The following TUBGCP3 variants were observed in gnomAD, a reference collection of about 807,000 sequenced individuals.
TUBGCP3 encodes tubulin gamma complex component 3, also known as gamma-tubulin complex component 3.
TUBGCP3 carries 50 observed loss-of-function variants against 123.1 expected under a neutral mutation model. That is an observed-to-expected ratio of 0.41 (90% CI 0.32 to 0.51). TUBGCP3 has a LOEUF of 0.51. Ranked by LOEUF, TUBGCP3 falls within the 20% of genes least tolerant of loss-of-function variation. The pLI, the probability that TUBGCP3 is intolerant of heterozygous loss-of-function variation, is 0.36. For synonymous variants in TUBGCP3, 405 were observed against 413.9 expected (o/e 0.98, Z 0.26); for missense variants, 882 against 1,127.0 (o/e 0.78, Z 3.11).
At chr13:112,509,128 A>G (rs1881499208) in intron 17 of TUBGCP3, among the ~76,000 whole-genome samples, 1 of 152,108 alleles carries the variant, frequency 6.6e-6, no homozygotes, top group Admixed American at 6.5e-5. Context: ...CACTGACCCG[A>G]ACAGCTCATC....
chr13:112,531,434 T>C (rs571301162), intron 11 of TUBGCP3, among the ~76,000 whole-genome samples: 11 of 152,334 alleles, frequency 7.2e-5, no homozygotes, highest in East Asian at 5.8e-4. Context: ...TAAGCCCCCG[T>C]TGAGTAATCT....
intron 11 of TUBGCP3, among the ~76,000 whole-genome samples, chr13:112,539,444 T>A (rs755866034): frequency 6.6e-6 from 1 of 152,182 alleles, no homozygotes; most frequent in Non-Finnish European, 1.5e-5. Context: ...AGCAGACCCA[T>A]GGCAAAGAAC....
intron 7 of TUBGCP3, 64 bp downstream of exon 7, chr13:112,554,823 A>G: frequency 1.7e-6 from 2 of 1,189,720 alleles, no homozygotes; most frequent in Non-Finnish European, 2.4e-6. Context: ...AACAGCCACT[A>G]TCTGGACTTC....
chr13:112,494,597 A>G (rs1880400032), intron 20 of TUBGCP3, among the ~76,000 whole-genome samples: 1 of 152,118 alleles, frequency 6.6e-6, no homozygotes, highest in Non-Finnish European at 1.5e-5. Flanking sequence ...TCTTTTAACT[A>G]CTATGATCTT....
intron 13 of TUBGCP3, among the ~76,000 whole-genome samples, chr13:112,523,381 T>C (rs1444149261): frequency 6.6e-6 from 1 of 152,226 alleles, no homozygotes; most frequent in Non-Finnish European, 1.5e-5. Context: ...GATTTGTTTG[T>C]CCTTCCGAAT....
intron 14 of TUBGCP3, 120 bp downstream of exon 14, chr13:112,522,200 A>T: frequency 1.0e-6 from 1 of 986,994 alleles, no homozygotes; most frequent in East Asian, 2.8e-5. Context: ...ATTTTATTTT[A>T]AAAAGTATGC....
intron 8 of TUBGCP3, among the ~76,000 whole-genome samples, chr13:112,551,769 A>C (rs556030936): frequency 6.6e-6 from 1 of 152,170 alleles, no homozygotes; most frequent in Non-Finnish European, 1.5e-5. Context: ...GATAAGGAGA[A>C]AGAAGATAAA....
chr13:112,567,588 T>C (rs1272396384), intron 2 of TUBGCP3, among the ~76,000 whole-genome samples: 1 of 152,194 alleles, frequency 6.6e-6, no homozygotes, highest in Non-Finnish European at 1.5e-5. Flanking sequence ...AATACCCCAT[T>C]TTTATTCCCC....
rs1284129510 is a variant in TUBGCP3 at position 112,558,363 on chromosome 13, G to C, written c.381C>G (p.His127Gln). Reference protein sequence around the residue: ...LFAQALPRDAHSTPYYYARPQ... With the variant: ...LFAQALPRDAQSTPYYYARPQ... ...GCCTGGCATAGTAGTAAGGGGTTGA[G>C]TGGGCATCTCTTGGTAAGGCCTGAG... Residue 127 changes from histidine to glutamine, a missense_variant, in exon 5 of 22, where the codon CAC becomes CAG. This residue lies in a region of TUBGCP3 where 713 missense variants were observed against 874.0 expected (regional missense o/e 0.82). Coordinates refer to ENST00000261965, the MANE Select transcript of TUBGCP3 (RefSeq NM_006322.6). 6.2e-7 allele frequency: 1 copy of C among 1,606,306 alleles called. No homozygotes were observed. Among genetic ancestry groups the C allele is most frequent in the Non-Finnish European group, 8.5e-7 (1 of 1,173,456 alleles).
the TUBGCP3 span, among the ~76,000 whole-genome samples, chr13:112,602,374 A>G: frequency 0.18 from 27,544 of 151,960 alleles, 4,079 homozygotes; most frequent in African/African-American, 0.41. Flanking sequence ...GATTAATAAT[A>G]TAAAGATGGA....
At chr13:112,569,967 C>T (rs975321594) in intron 1 of TUBGCP3, among the ~76,000 whole-genome samples, 1 of 152,078 alleles carries the variant, frequency 6.6e-6, no homozygotes, top group African/African-American at 2.4e-5. Flanking sequence ...GAAGAAATAA[C>T]AGTTCCCACT....
In TUBGCP3 at chr13:112,559,337, G is replaced by C. The variant is rs369620071; in HGVS notation, c.315C>G (p.Arg105=). ...AGCCACTTACCTTGCTTGGCTGCCT[G>C]CGTGGGTCCTCACTGAGGCTCAGCA... ...YLLLSLSEDP[R]RQPSKVSSYA... Residue 105 remains arginine (R), a synonymous_variant, in exon 4 of 22, where the codon CGC becomes CGG. Coordinates refer to ENST00000261965, the MANE Select transcript of TUBGCP3 (RefSeq NM_006322.6). The C allele has an allele frequency of 2.4e-5, 38 of 1,611,992 alleles. No individual in the cohort carries two copies. Among genetic ancestry groups the C allele is most frequent in the Non-Finnish European group, 3.1e-5 (37 of 1,178,982 alleles).
chr13:112,489,692 C>T lies in TUBGCP3; in HGVS notation c.2454G>A (p.Gln818=), dbSNP rs1425197705. The T allele has an allele frequency of 6.2e-7, 1 of 1,613,242 alleles. No homozygotes were observed. Among genetic ancestry groups the T allele is most frequent in the African/African-American group, 1.3e-5 (1 of 74,930 alleles). The change falls in exon 21 of 22, where the codon CAG becomes CAA. Residue 818 remains glutamine, a synonymous_variant. Transcript: ENST00000261965. ...EKKKQREIEG[Q]WGVTAAEEEE... ...CTTCCTCTGCTGCCGTCACTCCCCA[C>T]TGGCCCTGAACAATCAAAAGTACCA... is the stretch of plus-strand genomic sequence containing the variant.
intron 17 of TUBGCP3, among the ~76,000 whole-genome samples, chr13:112,509,437 C>G (rs1881522163): frequency 6.6e-6 from 1 of 152,204 alleles, no homozygotes; most frequent in Non-Finnish European, 1.5e-5. Flanking sequence ...AGCAGGCAGT[C>G]TGCATTCCTC....
intron 13 of TUBGCP3, 131 bp from the exon 14 acceptor site, chr13:112,522,640 G>A (rs986974808): frequency 3.9e-6 from 3 of 765,112 alleles, no homozygotes; most frequent in African/African-American, 3.5e-5. Flanking sequence ...CTGACCGCAG[G>A]CACAGACAGC....
chr13:112,503,681 T>C (rs1881087242), intron 19 of TUBGCP3, among the ~76,000 whole-genome samples: 1 of 152,228 alleles, frequency 6.6e-6, no homozygotes. Flanking sequence ...TTTGTTCTTA[T>C]ATCGTGTTGC....
intron 17 of TUBGCP3, among the ~76,000 whole-genome samples, chr13:112,514,424 G>T (rs1875899504): frequency 1.3e-5 from 2 of 152,238 alleles, no homozygotes; most frequent in South Asian, 4.1e-4. Flanking sequence ...GGCCAAGGTG[G>T]GAGGATCACT....
At chr13:112,595,287 C>G in the TUBGCP3 span, among the ~76,000 whole-genome samples, 1 of 152,024 alleles carries the variant, frequency 6.6e-6, no homozygotes, top group African/African-American at 2.4e-5. Flanking sequence ...AGCTCCACCT[C>G]CCGGGTTCAC....
chr13:112,579,935 A>C (rs1393793876), intron 1 of TUBGCP3, among the ~76,000 whole-genome samples: 1 of 152,252 alleles, frequency 6.6e-6, no homozygotes, highest in African/African-American at 2.4e-5. Flanking sequence ...AAGCACTCCA[A>C]ATGTCCCTCA....
Sources: gnomAD v4.1 joint callset for allele counts (sites outside exome capture counted in the v4.1 genomes callset) on GRCh38, gnomAD v4.1.1 for gene constraint, gnomAD v4.1.1 regional missense constraint, MANE v1.5 for transcripts, NCBI Gene and HGNC (gene_info 2026-07-23, HGNC 2026-07-21) for gene names.